CNTNAP5: variants seen among roughly 807,000 people sequenced by gnomAD.
CNTNAP5 encodes contactin associated protein family member 5, also known as contactin-associated protein-like 5.
CNTNAP5 carries 72 observed loss-of-function variants against 150.2 expected under a neutral mutation model. That is an observed-to-expected ratio of 0.48 (90% CI 0.40 to 0.58). CNTNAP5 has a LOEUF of 0.58. CNTNAP5 is among the 20% of genes least tolerant of loss of function. The probability of loss-of-function intolerance (pLI) is 0.00; values close to 1 mark genes in which losing one functional copy is unlikely to be tolerated. For synonymous variants in CNTNAP5, 672 were observed against 619.8 expected (o/e 1.08, Z -1.25); for missense variants, 1,636 against 1,626.2 (o/e 1.01, Z -0.10).
chr2:124,792,281 C>T (rs1279614022), intron 18 of CNTNAP5, among the ~76,000 whole-genome samples: 1 of 152,058 alleles, frequency 6.6e-6, no homozygotes, highest in Admixed American at 6.6e-5. Context: ...TAGTAATTAA[C>T]TGCAACATAT....
intron 11 of CNTNAP5, among the ~76,000 whole-genome samples, chr2:124,604,146 AT>A (rs1480282094): frequency 6.6e-6 from 1 of 152,164 alleles, no homozygotes; most frequent in African/African-American, 2.4e-5. Context: ...AAAATGCATC[AT>A]TTTTTGAAAG....
chr2:124,089,478 C>T (rs1682768546), intron 1 of CNTNAP5, among the ~76,000 whole-genome samples: 1 of 152,194 alleles, frequency 6.6e-6, no homozygotes, highest in African/African-American at 2.4e-5. Context: ...GAATTTTGAG[C>T]CCACATGTGG....
At chr2:124,327,477 C>T (rs78038611) in intron 3 of CNTNAP5, among the ~76,000 whole-genome samples, 8,689 of 152,108 alleles carry the variant, frequency 0.057, 298 homozygotes, top group Non-Finnish European at 0.071. Context: ...ACATTATACC[C>T]TCCTCAGTTT....
rs1168738562 is a variant in CNTNAP5, at chr2:124,314,313, CA to C, written c.381+71923del. 3.3e-5 allele frequency among the ~76,000 whole-genome samples: 5 copies of C among 152,266 alleles called. No individual in the cohort carries two copies. The East Asian group carries it at 7.7e-4, about 24-fold the overall frequency. ...CTTCAGGGGTAAAGGAAACATAGCT[CA>C]AATTCAAAAGTGCCTTGCCAAAGCC... On this transcript the variant is annotated intron_variant, in intron 3 of 23. Coordinates refer to ENST00000682447, the MANE Select transcript of CNTNAP5 (RefSeq NM_001367498.1).
At chr2:124,490,108 C>G (rs1022992908) in intron 7 of CNTNAP5, among the ~76,000 whole-genome samples, 4 of 152,044 alleles carry the variant, frequency 2.6e-5, no homozygotes, top group African/African-American at 9.7e-5. Context: ...CCAAGGCAGG[C>G]AGATCACCTG....
chr2:124,803,718 A>G (rs772129220), intron 19 of CNTNAP5, among the ~76,000 whole-genome samples: 26 of 152,184 alleles, frequency 1.7e-4, no homozygotes, highest in Non-Finnish European at 3.5e-4. Flanking sequence ...GAACTGCGAC[A>G]TTTTATATTT....
chr2:124,280,272 A>G lies in CNTNAP5; in HGVS notation c.381+37879A>G, dbSNP rs113657388. Among the ~76,000 whole-genome samples, 162 of 152,098 alleles carry G rather than the reference A, an allele frequency of 1.1e-3. 1 individual carries two copies. The highest frequency in any genetic ancestry group is 3.8e-3 in the African/African-American group (156 of 41,498). On this transcript the variant is annotated intron_variant, in intron 3 of 23. Coordinates refer to ENST00000682447, the MANE Select transcript of CNTNAP5 (RefSeq NM_001367498.1). ...AACCTCTACCTCCCTGGTTCAAGCA[A>G]TTCCTCTGTCTCAGCCTCCTGAGTA...
intron 10 of CNTNAP5, among the ~76,000 whole-genome samples, chr2:124,543,045 C>T (rs1368554729): frequency 6.6e-6 from 1 of 152,168 alleles, no homozygotes; most frequent in Non-Finnish European, 1.5e-5. Flanking sequence ...ATCTTGAAAA[C>T]TTCCCAATGT....
intron 14 of CNTNAP5, among the ~76,000 whole-genome samples, chr2:124,756,458 G>A (rs1286310401): frequency 2.0e-5 from 3 of 152,134 alleles, no homozygotes; most frequent in Non-Finnish European, 4.4e-5. Flanking sequence ...AAAGATACAT[G>A]CACATGTCTG....
chr2:124,199,413 C>CTTTTTTTTTTTTTTTTTTTTTTTTT (rs70996049), intron 1 of CNTNAP5, among the ~76,000 whole-genome samples: 1 of 110,048 alleles, frequency 9.1e-6, no homozygotes, highest in Non-Finnish European at 1.7e-5. Context: ...TTCCAAGGTT[C>CTTTTTTTTTTTTTTTTTTTTTTTTT]TTTTTTTTTT....
At chr2:124,460,024 G>A (rs1461965465) in intron 6 of CNTNAP5, among the ~76,000 whole-genome samples, 1 of 152,268 alleles carries the variant, frequency 6.6e-6, no homozygotes, top group East Asian at 1.9e-4. Context: ...CTATGAAAGT[G>A]TAATGCACTC....
At chr2:124,533,818 G>A (rs1055431902) in intron 10 of CNTNAP5, among the ~76,000 whole-genome samples, 7 of 152,102 alleles carry the variant, frequency 4.6e-5, no homozygotes, top group Admixed American at 2.6e-4. Context: ...GGAGTATTTC[G>A]GCTGGAGGAA....
intron 19 of CNTNAP5, 119 bp from the exon 20 acceptor site, chr2:124,865,187 T>A (rs1168649430): frequency 3.8e-6 from 3 of 793,304 alleles, no homozygotes; most frequent in Non-Finnish European, 5.8e-6. Context: ...TTTTAAAAAT[T>A]GAATAATGGA....
chr2:124,660,203 C>T (rs1438652335), intron 13 of CNTNAP5, among the ~76,000 whole-genome samples: 1 of 152,070 alleles, frequency 6.6e-6, no homozygotes, highest in African/African-American at 2.4e-5. Context: ...GAAGGTTAAC[C>T]ATGTGGATGG....
chr2:124,592,818 C>T (rs1043783778), intron 11 of CNTNAP5, among the ~76,000 whole-genome samples: 3 of 151,866 alleles, frequency 2.0e-5, no homozygotes, highest in Non-Finnish European at 4.4e-5. Flanking sequence ...CCTATTGTGT[C>T]TTTATTTTTA....
intron 12 of CNTNAP5, among the ~76,000 whole-genome samples, chr2:124,638,866 T>G (rs1239493127): frequency 6.6e-6 from 1 of 152,252 alleles, no homozygotes; most frequent in African/African-American, 2.4e-5. Flanking sequence ...TATTATTTAT[T>G]ATGGCTGCAT....
At chr2:124,497,893 G>C (rs951235709) in intron 7 of CNTNAP5, among the ~76,000 whole-genome samples, 2 of 152,190 alleles carry the variant, frequency 1.3e-5, no homozygotes, top group African/African-American at 4.8e-5. Context: ...CTGTGTAACA[G>C]ATAAGTGTAA....
chr2:124,134,823 C>T (rs754280341), intron 1 of CNTNAP5, among the ~76,000 whole-genome samples: 37 of 152,186 alleles, frequency 2.4e-4, no homozygotes, highest in Admixed American at 7.2e-4. Flanking sequence ...AGAAAGGTTA[C>T]ATTGTAGAAT....
chr2:124,303,838 C>A (rs138159375), intron 3 of CNTNAP5, among the ~76,000 whole-genome samples: 211 of 152,138 alleles, frequency 1.4e-3, no homozygotes, highest in African/African-American at 4.8e-3. Context: ...TCAAGACCAG[C>A]CTAAGCAACA....
Sources: gnomAD v4.1 joint callset for allele counts (sites outside exome capture counted in the v4.1 genomes callset) on GRCh38, gnomAD v4.1.1 for gene constraint, MANE v1.5 for transcripts, NCBI Gene and HGNC (gene_info 2026-07-23, HGNC 2026-07-21) for gene names.